ANK3: variants seen among roughly 807,000 people sequenced by gnomAD.
The protein encoded by ANK3 is ankyrin 3.
Under a neutral mutation model 370.9 loss-of-function variants are expected in ANK3, and 57 were observed. The ratio of observed to expected loss-of-function variants is 0.15; its 90% CI spans 0.12 to 0.19. The LOEUF (loss-of-function observed/expected upper bound fraction) is 0.19. Among genes scored for constraint, ANK3 ranks in the 10% least tolerant of loss-of-function variants. The probability of loss-of-function intolerance (pLI) is 1.00; values close to 1 mark genes in which losing one functional copy is unlikely to be tolerated. For synonymous variants in ANK3, 1,929 were observed against 1,946.3 expected (o/e 0.99, Z 0.23); for missense variants, 4,439 against 5,302.1 (o/e 0.84, Z 5.06).
At chr10:60,390,189 C>A (rs2062974835), upstream of ANK3, among the ~76,000 whole-genome samples, 1 of 152,186 alleles carries the variant, frequency 6.6e-6, no homozygotes, top group Non-Finnish European at 1.5e-5. Flanking sequence ...GAAAACAATG[C>A]ATGTATTGCC....
At chr10:60,303,880 G>A (rs1005244731) in intron 1 of ANK3, among the ~76,000 whole-genome samples, 2,870 of 118,030 alleles carry the variant, frequency 0.024, 94 homozygotes, top group African/African-American at 0.078. Flanking sequence ...GTATATATGT[G>A]TGTGTGTGTG....
chr10:60,410,670 A>G (rs1274112389), intron 2 of ANK3, among the ~76,000 whole-genome samples: 2 of 151,914 alleles, frequency 1.3e-5, no homozygotes, highest in Non-Finnish European at 2.9e-5. Flanking sequence ...CCTCTCACCC[A>G]ATTTTTTTTT....
At chr10:60,068,493 T>A (rs1211609577) in intron 37 of ANK3, 144 bp downstream of exon 37, 1 of 864,330 alleles carries the variant, frequency 1.2e-6, no homozygotes, top group Non-Finnish European at 1.8e-6. Context: ...AATGACATAA[T>A]GAGAAACTAC....
intron 2 of ANK3, among the ~76,000 whole-genome samples, chr10:60,395,640 C>CGT (rs2063221202): frequency 6.8e-6 from 1 of 148,052 alleles, no homozygotes; most frequent in Non-Finnish European, 1.5e-5. Context: ...CTCTCTCTCT[C>CGT]TCTCTCTCTC....
At position 60,240,289 on chromosome 10, in the gene ANK3, T is replaced by TACACACACAC. The variant is rs1338211483; in HGVS notation, c.799-5504_799-5503insGTGTGTGTGT. On this transcript the variant is annotated intron_variant, in intron 7 of 43. Transcript: ENST00000280772. ...ATATATATACACACACACATATATA[T>TACACACACAC]ATATATATATATATATATTTTTTTT... Among the ~76,000 whole-genome samples, 16 of 101,554 alleles carry TACACACACAC rather than the reference T, an allele frequency of 1.6e-4. No homozygotes were observed. The South Asian group carries it at 4.7e-3, about 30-fold the overall frequency. The allele number at this position is 101,554 out of a possible 152,430, so 66.6% of individuals were successfully genotyped here. A position where few individuals can be genotyped will look rare whatever the true frequency, so the allele number is the denominator to read the frequency against.
At chr10:60,390,106 T>C (rs77622274), upstream of ANK3, among the ~76,000 whole-genome samples, 13,128 of 152,250 alleles carry the variant, frequency 0.086, 730 homozygotes, top group South Asian at 0.13. Context: ...CTGCTGATGG[T>C]GACAAAATAT....
intron 1 of ANK3, among the ~76,000 whole-genome samples, chr10:60,708,652 A>G (rs1464547502): frequency 6.6e-6 from 1 of 152,202 alleles, no homozygotes; most frequent in Non-Finnish European, 1.5e-5. Context: ...CTTGGGATTT[A>G]CCAGATCCTA....
chr10:60,463,679 TAAA>T (rs11374773), intron 2 of ANK3, among the ~76,000 whole-genome samples: 11 of 146,236 alleles, frequency 7.5e-5, no homozygotes, highest in Non-Finnish European at 1.7e-4. Flanking sequence ...CAATCTTGCT[TAAA>T]AAAAAAAACC....
rs144030634 is a variant in ANK3, at chr10:60,212,770, G to T, written c.996+642C>A. Among the ~76,000 whole-genome samples, 4 of 152,088 alleles carry T rather than the reference G, an allele frequency of 2.6e-5. No homozygotes were observed. In the East Asian group the frequency reaches 7.7e-4, roughly 29 times the overall value. On this transcript the variant is annotated intron_variant, in intron 9 of 43. Coordinates refer to ENST00000280772, the MANE Select transcript of ANK3 (RefSeq NM_020987.5). ...AGTATCATTTCCAAAAAAATCACTG[G>T]TTTAATTAATAAAAGTAGTAGTGAC...
At chr10:60,187,722 T>C (rs1382700600) in intron 16 of ANK3, among the ~76,000 whole-genome samples, 1 of 152,194 alleles carries the variant, frequency 6.6e-6, no homozygotes, top group African/African-American at 2.4e-5. Flanking sequence ...GTTAAGACAC[T>C]ACCATCTCTC....
intron 1 of ANK3, among the ~76,000 whole-genome samples, chr10:60,310,202 G>A (rs1377674244): frequency 2.6e-5 from 4 of 151,974 alleles, no homozygotes; most frequent in Non-Finnish European, 4.4e-5. Context: ...TGGGAATATA[G>A]GTTTGAGCCA....
intron 16 of ANK3, among the ~76,000 whole-genome samples, chr10:60,193,372 G>C (rs1244651485): frequency 6.6e-6 from 1 of 152,142 alleles, no homozygotes; most frequent in Non-Finnish European, 1.5e-5. Flanking sequence ...AGAGTTATTT[G>C]TGCGCCTAGC....
chr10:60,308,052 T>C (rs1436960760), intron 1 of ANK3, among the ~76,000 whole-genome samples: 1 of 152,190 alleles, frequency 6.6e-6, no homozygotes, highest in Non-Finnish European at 1.5e-5. Flanking sequence ...ACAGACATTA[T>C]TCAAAGGAAC....
At chr10:60,699,073 AGCAATGAGGAC>A (rs2079510553) in intron 1 of ANK3, among the ~76,000 whole-genome samples, 1 of 148,500 alleles carries the variant, frequency 6.7e-6, no homozygotes, top group African/African-American at 2.5e-5. Flanking sequence ...GTGGGAGGTA[AGCAATGAGGAC>A]GCAAAGACAT....
At chr10:60,369,970 T>C (rs1013239314) in intron 1 of ANK3, among the ~76,000 whole-genome samples, 6 of 152,124 alleles carry the variant, frequency 3.9e-5, no homozygotes, top group African/African-American at 1.2e-4. Context: ...TACTGGTAAT[T>C]TGAGATTTTA....
chr10:60,429,666 C>T (rs182579688), intron 2 of ANK3, among the ~76,000 whole-genome samples: 103 of 152,318 alleles, frequency 6.8e-4, no homozygotes, highest in African/African-American at 2.5e-3. Context: ...TGGCTCCCAA[C>T]TGGCAAAAAT....
chr10:60,241,119 C>A (rs760226330), intron 7 of ANK3, among the ~76,000 whole-genome samples: 1 of 152,108 alleles, frequency 6.6e-6, no homozygotes. Flanking sequence ...CCATTAACTT[C>A]CCTAATATGT....
chr10:60,239,695 G>A (rs757039792), intron 7 of ANK3, among the ~76,000 whole-genome samples: 119 of 151,972 alleles, frequency 7.8e-4, no homozygotes, highest in Middle Eastern at 3.4e-3. Flanking sequence ...TCTGGAAATG[G>A]CAAAAAATGA....
chr10:60,209,753 AC>A (rs2096823383), intron 9 of ANK3, among the ~76,000 whole-genome samples: 1 of 152,226 alleles, frequency 6.6e-6, no homozygotes, highest in Non-Finnish European at 1.5e-5. Context: ...ATGTTTTGAT[AC>A]AGTCTTAGAG....
Sources: allele counts gnomAD v4.1 joint callset (sites outside exome capture counted in the v4.1 genomes callset), GRCh38; gene constraint gnomAD v4.1.1; transcripts MANE v1.5; gene names NCBI Gene and HGNC (gene_info 2026-07-23, HGNC 2026-07-21).